Variants in CCM2 observed in about 807,000 individuals in gnomAD.
CCM2 encodes the protein cerebral cavernous malformations 2 protein.
Under a neutral mutation model 44.9 loss-of-function variants are expected in CCM2, and 25 were observed. That is an observed-to-expected ratio of 0.56 (90% confidence interval 0.41 to 0.78). The LOEUF (loss-of-function observed/expected upper bound fraction) is 0.78, where lower values mean the gene tolerates loss of function less well. Ranked by LOEUF, CCM2 falls within the 30% of genes least tolerant of loss-of-function variation. CCM2 has a pLI of 0.00. For synonymous variants in CCM2, 219 were observed against 241.1 expected, an observed-to-expected ratio of 0.91 and a Z score of 0.85; for missense variants, 481 against 580.6, an observed-to-expected ratio of 0.83 and a Z score of 1.76.
chr7:45,043,926 A>G (rs904881951), intron 2 of CCM2, among the ~76,000 whole-genome samples: 3 of 151,984 alleles, frequency 2.0e-5, no homozygotes, highest in Non-Finnish European at 2.9e-5. Flanking sequence ...CCTTGTCCCT[A>G]TTTGTTTCCA....
intron 2 of CCM2, among the ~76,000 whole-genome samples, chr7:45,045,204 T>TA (rs1469147558): frequency 6.6e-6 from 1 of 152,214 alleles, no homozygotes; most frequent in Non-Finnish European, 1.5e-5. Flanking sequence ...GCAATTTCTT[T>TA]AGAGTAGTTT....
chr7:45,045,451 C>A (rs1455480004), intron 2 of CCM2, among the ~76,000 whole-genome samples: 1 of 152,174 alleles, frequency 6.6e-6, no homozygotes, highest in African/African-American at 2.4e-5. Flanking sequence ...CAATCAGTGG[C>A]AGAAAGTTTA....
chr7:45,046,634 A>C (rs775670250), intron 2 of CCM2, among the ~76,000 whole-genome samples: 1 of 152,234 alleles, frequency 6.6e-6, no homozygotes, highest in Non-Finnish European at 1.5e-5. Context: ...ATAAAATACA[A>C]CTTCTAGGAT....
At chr7:45,064,133 A>G (rs1583969062) in intron 3 of CCM2, 132 bp downstream of exon 3, 2 of 675,916 alleles carry the variant, frequency 3.0e-6, no homozygotes, top group East Asian at 5.3e-5. Flanking sequence ...GCTCTTGGCC[A>G]TAAAGACTAT....
rs760137287 is a variant in CCM2, at chr7:45,074,270, C to A, written c.916C>A (p.Leu306Met). ...TELLQDYMLTLRTKLSSQEIQ... is the reference protein window; with the variant it reads ...TELLQDYMLTMRTKLSSQEIQ... The stretch of plus-strand genomic sequence containing the variant: ...CCTATCTGGCTCTGCTCTCTTGCAG[C>A]TGCGCACCAAGCTGTCATCACAGGA... Residue 306 changes from leucine to methionine, a missense_variant and splice_region_variant, in exon 9 of 10, where the codon CTG (leucine) becomes ATG (methionine). Transcript: ENST00000258781. The A allele has an allele frequency of 3.1e-6, 5 of 1,613,444 alleles. No homozygotes were observed. Among genetic ancestry groups the A allele is most frequent in the Non-Finnish European group, 4.2e-6 (5 of 1,180,034 alleles).
intron 2 of CCM2, among the ~76,000 whole-genome samples, chr7:45,044,128 T>C (rs1797642166): frequency 6.6e-6 from 1 of 152,112 alleles, no homozygotes; most frequent in South Asian, 2.1e-4. Flanking sequence ...GCTATAGTTT[T>C]TTTGTTTTGT....
intron 1 of CCM2, among the ~76,000 whole-genome samples, chr7:45,014,895 TTC>T (rs1426953956): frequency 6.6e-6 from 1 of 152,210 alleles, no homozygotes; most frequent in Admixed American, 6.5e-5. Context: ...GTGCTGGAAT[TTC>T]AGGCGTGAGC....
At chr7:45,017,261 A>G (rs564236455) in intron 1 of CCM2, among the ~76,000 whole-genome samples, 1 of 152,240 alleles carries the variant, frequency 6.6e-6, no homozygotes, top group Non-Finnish European at 1.5e-5. Flanking sequence ...GGTGGAGACA[A>G]CATTATATTC....
rs765250660 is a variant in CCM2, at chr7:45,075,908, T to A, written c.1186T>A (p.Ser396Thr). The A allele has an allele frequency of 6.2e-7, 1 of 1,613,112 alleles. No homozygotes were observed. Among genetic ancestry groups the A allele is most frequent in the Non-Finnish European group, 8.5e-7 (1 of 1,179,990 alleles). Reference sequence around the variant, plus strand: ...GCACCGGCGGGCCCTGAGCACCACATCCAGTTCCACCACCAATGGGAACAG... The same window carrying A: ...GCACCGGCGGGCCCTGAGCACCACAACCAGTTCCACCACCAATGGGAACAG... ...GRHRRALSTT[S>T]SSTTNGNRAT... Residue 396 changes from serine (S) to threonine (T), a missense_variant, in exon 10 of 10, where the codon TCC becomes ACC. Physicochemically the swap from Ser to Thr is moderately conservative, Grantham distance 58 (BLOSUM62 1). Coordinates refer to ENST00000258781, the MANE Select transcript of CCM2 (RefSeq NM_031443.4).
chr7:45,005,287 A>T (rs545695215), intron 1 of CCM2, among the ~76,000 whole-genome samples: 1 of 152,342 alleles, frequency 6.6e-6, no homozygotes, highest in Admixed American at 6.5e-5. Context: ...TACCATTTAC[A>T]TAGTATGTAT....
chr7:45,054,915 G>A (rs1245650857), intron 2 of CCM2, among the ~76,000 whole-genome samples: 4 of 152,172 alleles, frequency 2.6e-5, no homozygotes, highest in South Asian at 4.1e-4. Flanking sequence ...CATACATACC[G>A]TATCCTATTC....
chr7:45,067,031 G>C (rs529596705), intron 4 of CCM2, among the ~76,000 whole-genome samples: 374 of 152,070 alleles, frequency 2.5e-3, no homozygotes, highest in Non-Finnish European at 4.3e-3. Context: ...CTCCTGAGTA[G>C]CTGGGACTAC....
At chr7:45,040,800 A>C (rs1329902992) in intron 2 of CCM2, among the ~76,000 whole-genome samples, 1 of 152,212 alleles carries the variant, frequency 6.6e-6, no homozygotes, top group Non-Finnish European at 1.5e-5. Flanking sequence ...CAGCCTGGCC[A>C]ACATGGCGAA....
intron 2 of CCM2, among the ~76,000 whole-genome samples, chr7:45,048,069 A>G (rs1434647979): frequency 3.3e-5 from 5 of 152,196 alleles, no homozygotes; most frequent in Admixed American, 6.5e-5. Context: ...TTGGAAGTCA[A>G]TATCTTAAAT....
At chr7:45,075,637 C>A in intron 9 of CCM2, 140 bp from the exon 10 acceptor site, 1 of 991,764 alleles carries the variant, frequency 1.0e-6, no homozygotes, top group Non-Finnish European at 1.6e-6. Context: ...ATGCTAGATG[C>A]AGTGAGCATG....
chr7:45,018,788 T>C (rs2128717727), intron 1 of CCM2, among the ~76,000 whole-genome samples: 1 of 148,962 alleles, frequency 6.7e-6, no homozygotes, highest in Non-Finnish European at 1.5e-5. Context: ...TGAGATGGAG[T>C]CTTACTCTGT....
chr7:45,022,764 G>A (rs1196363473), intron 1 of CCM2, among the ~76,000 whole-genome samples: 3 of 151,140 alleles, frequency 2.0e-5, no homozygotes, highest in African/African-American at 4.9e-5. Context: ...TTTTTGAGAC[G>A]GAGTCTCATT....
rs537940254 is a variant in CCM2, at chr7:45,046,541, A to G, written c.204+8115A>G. ...ACAAATGGTGCTGGAGCAGTTGGAC[A>G]TTTGTAGGCAAAAATTGAACCTTGC... On this transcript the variant is annotated intron_variant, in intron 2 of 9. Coordinates refer to ENST00000258781, the MANE Select transcript of CCM2 (RefSeq NM_031443.4). Among the ~76,000 whole-genome samples the G allele has an allele frequency of 2.6e-5, 4 of 152,356 alleles. No homozygotes were observed. The East Asian group carries it at 7.7e-4, about 29-fold the overall frequency.
intron 6 of CCM2, chr7:45,070,513 C>A: frequency 2.2e-6 from 1 of 453,160 alleles, no homozygotes; most frequent in Non-Finnish European, 4.4e-6. Flanking sequence ...GCATGGCCCA[C>A]ACAGCATTTT....
Sources: allele counts gnomAD v4.1 joint callset (sites outside exome capture counted in the v4.1 genomes callset), GRCh38; gene constraint gnomAD v4.1.1; transcripts MANE v1.5; gene names NCBI Gene and HGNC (gene_info 2026-07-23, HGNC 2026-07-21).